CFAP221: variants seen among roughly 807,000 people sequenced by gnomAD.
CFAP221 encodes the protein cilia- and flagella-associated protein 221.
CFAP221 carries 97 observed loss-of-function variants against 113.1 expected under a neutral mutation model. The ratio of observed to expected loss-of-function variants is 0.86; its 90% CI spans 0.73 to 1.02. The LOEUF (loss-of-function observed/expected upper bound fraction) is 1.02. CFAP221 is among the 50% of genes least tolerant of loss of function. CFAP221 has a pLI of 0.00. For synonymous variants in CFAP221, 331 were observed against 354.4 expected (o/e 0.93, Z 0.74); for missense variants, 1,025 against 1,013.4 (o/e 1.01, Z -0.16).
At chr2:119,640,608 T>G (rs1396820397) in intron 21 of CFAP221, among the ~76,000 whole-genome samples, 1 of 152,214 alleles carries the variant, frequency 6.6e-6, no homozygotes, top group Non-Finnish European at 1.5e-5. Context: ...TGAACAGATG[T>G]GACTGGTGTC....
At position 119,559,765 on chromosome 2, in the gene CFAP221, A is replaced by T. The variant is rs1319526177; in HGVS notation, c.317A>T (p.Tyr106Phe). 1 of 1,524,712 alleles carries T rather than the reference A, an allele frequency of 6.6e-7. No homozygotes were observed. The highest frequency in any genetic ancestry group is 2.0e-5 in the Admixed American group (1 of 50,954). 94.4% of individuals were successfully genotyped at this position (1,524,712 alleles called of 1,614,324 possible). Residue 106 changes from tyrosine to phenylalanine, a missense_variant, in exon 4 of 24, where the codon TAT (tyrosine) becomes TTT (phenylalanine). Tyr to Phe is a conservative substitution (Grantham distance 22). Transcript: ENST00000413369. ...PPQTKYFEINYVRKEHHLVPG... is the reference protein window; with the variant it reads ...PPQTKYFEINFVRKEHHLVPG... Reference sequence around the variant, plus strand: ...CAAACCAAATACTTTGAGATCAATTATGTAAGAAAGGTAAGCGTCATTGGT... The same window carrying T: ...CAAACCAAATACTTTGAGATCAATTTTGTAAGAAAGGTAAGCGTCATTGGT...
chr2:119,581,990 C>T (rs901982461), intron 6 of CFAP221, among the ~76,000 whole-genome samples: 10 of 152,124 alleles, frequency 6.6e-5, no homozygotes, highest in African/African-American at 2.4e-4. Flanking sequence ...AAAGTGACAG[C>T]AGTTCTTCAT....
chr2:119,636,307 A>C (rs539813235), intron 19 of CFAP221, among the ~76,000 whole-genome samples: 2 of 152,306 alleles, frequency 1.3e-5, no homozygotes, highest in South Asian at 4.1e-4. Context: ...TAAGAATCTC[A>C]ACAATATCAA....
intron 21 of CFAP221, among the ~76,000 whole-genome samples, chr2:119,640,753 C>G (rs923559615): frequency 6.6e-6 from 1 of 152,176 alleles, no homozygotes; most frequent in South Asian, 2.1e-4. Flanking sequence ...CAACCAAGAT[C>G]AGTAGGTGAT....
At chr2:119,593,874 A>T (rs1231077266) in intron 7 of CFAP221, among the ~76,000 whole-genome samples, 1 of 151,828 alleles carries the variant, frequency 6.6e-6, no homozygotes, top group African/African-American at 2.4e-5. Flanking sequence ...CAACAAAAAA[A>T]ACCCCACCAG....
chr2:119,572,981 A>C (rs1682173212), intron 6 of CFAP221: 1 of 175,184 alleles, frequency 5.7e-6, no homozygotes, highest in Non-Finnish European at 1.2e-5. Context: ...TTACTTAGTG[A>C]ATCTTATGGC....
chr2:119,636,734 A>G (rs1687136634), intron 19 of CFAP221, among the ~76,000 whole-genome samples: 1 of 152,186 alleles, frequency 6.6e-6, no homozygotes. Context: ...TTCCTCACAA[A>G]TCCTTGCAGC....
intron 7 of CFAP221, among the ~76,000 whole-genome samples, chr2:119,590,848 G>A (rs1287676501): frequency 6.6e-6 from 1 of 152,176 alleles, no homozygotes; most frequent in East Asian, 1.9e-4. Flanking sequence ...GGACAGGTGA[G>A]ACAGAAGACC....
chr2:119,551,552 A>C (rs1435842102), intron 3 of CFAP221, among the ~76,000 whole-genome samples: 1 of 152,154 alleles, frequency 6.6e-6, no homozygotes, highest in Non-Finnish European at 1.5e-5. Context: ...CTCTTGCTGA[A>C]AATCAATTTA....
chr2:119,549,008 T>C (rs1680239545), intron 2 of CFAP221, 77 bp from the exon 3 acceptor site: 15 of 958,178 alleles, frequency 1.6e-5, no homozygotes, highest in Non-Finnish European at 2.2e-5. Flanking sequence ...TAAAGAAAGC[T>C]ATGTTAATAA....
intron 3 of CFAP221, among the ~76,000 whole-genome samples, chr2:119,549,475 A>T (rs1680274886): frequency 6.6e-6 from 1 of 152,192 alleles, no homozygotes; most frequent in African/African-American, 2.4e-5. Flanking sequence ...ATTTAATTTA[A>T]TCCTTATGCT....
intron 6 of CFAP221, chr2:119,572,688 T>G (rs892296394): frequency 1.6e-6 from 1 of 615,424 alleles, no homozygotes; most frequent in Admixed American, 2.3e-5. Flanking sequence ...CAAACCTGCC[T>G]GAAACTCACC....
chr2:119,573,877 A>G (rs1243275045), intron 6 of CFAP221, among the ~76,000 whole-genome samples: 3 of 152,088 alleles, frequency 2.0e-5, no homozygotes, highest in Non-Finnish European at 4.4e-5. Flanking sequence ...CAACCTCTAA[A>G]CTATAGGGAT....
intron 14 of CFAP221, among the ~76,000 whole-genome samples, chr2:119,617,674 C>A (rs1236732942): frequency 5.3e-5 from 8 of 152,210 alleles, no homozygotes; most frequent in Non-Finnish European, 1.0e-4. Flanking sequence ...ACAGACCAGG[C>A]TCCCAGCATC....
intron 22 of CFAP221, among the ~76,000 whole-genome samples, chr2:119,650,623 T>G (rs537656599): frequency 3.2e-4 from 49 of 152,362 alleles, no homozygotes; most frequent in Non-Finnish European, 5.1e-4. Flanking sequence ...CAACACTCAC[T>G]GAGCATTAAA....
intron 8 of CFAP221, among the ~76,000 whole-genome samples, chr2:119,603,998 A>G (rs1397505234): frequency 2.0e-5 from 3 of 152,208 alleles, no homozygotes; most frequent in East Asian, 3.9e-4. Flanking sequence ...ACATCTTGCT[A>G]CAAACAATTG....
chr2:119,640,601 A>C (rs894366641), intron 21 of CFAP221, among the ~76,000 whole-genome samples: 1 of 152,196 alleles, frequency 6.6e-6, no homozygotes, highest in Non-Finnish European at 1.5e-5. Context: ...TGATTGGTGA[A>C]CAGATGTGAC....
rs533391518 is a variant in CFAP221, at chr2:119,630,456, A to G, written c.1732-114A>G. ...ATAGCCACAATCCGATGACTACAAC[A>G]TGGTGCTTGTCTTACTTTTACCACC... On this transcript the variant is annotated intron_variant, in intron 17 of 23. Transcript: ENST00000413369. The G allele has an allele frequency of 2.2e-5, 17 of 756,238 alleles. No homozygotes were observed. The African/African-American group carries it at 2.4e-4, about 11-fold the overall frequency. The allele number at this position is 756,238 out of a possible 1,614,324, so 46.8% of individuals were successfully genotyped here.
At chr2:119,620,770 G>A (rs185418707) in intron 14 of CFAP221, among the ~76,000 whole-genome samples, 1 of 152,278 alleles carries the variant, frequency 6.6e-6, no homozygotes, top group Admixed American at 6.5e-5. Flanking sequence ...AACAGGTTAA[G>A]TGCCCCAATT....
Sources: allele counts gnomAD v4.1 joint callset (sites outside exome capture counted in the v4.1 genomes callset), GRCh38; gene constraint gnomAD v4.1.1; transcripts MANE v1.5; gene names NCBI Gene and HGNC (gene_info 2026-07-23, HGNC 2026-07-21).